The following UBE2D3 variants were observed in gnomAD, a reference collection of about 807,000 sequenced individuals.
UBE2D3 encodes the protein ubiquitin-conjugating enzyme E2 D3.
In UBE2D3, 2 loss-of-function variants were observed where a neutral mutation model predicts 22.8. The observed-to-expected ratio is 0.09, with a 90% CI of 0.04 to 0.28. The LOEUF (loss-of-function observed/expected upper bound fraction) is 0.28, where lower values mean the gene tolerates loss of function less well. UBE2D3 is among the 10% of genes least tolerant of loss of function. The pLI is 1.00. For synonymous variants in UBE2D3, 56 were observed against 60.4 expected, an observed-to-expected ratio of 0.93 and a Z score of 0.34; for missense variants, 27 against 182.5, an observed-to-expected ratio of 0.15 and a Z score of 4.91.
intron 1 of UBE2D3, among the ~76,000 whole-genome samples, chr4:102,848,921 CTGTGTG>C (rs147050383): frequency 0.26 from 37,524 of 142,580 alleles, 4,932 homozygotes; most frequent in African/African-American, 0.35. Flanking sequence ...TTATGTGTGC[CTGTGTG>C]TGTGTGTGTG....
intron 2 of UBE2D3, among the ~76,000 whole-genome samples, chr4:102,817,993 G>A (rs1321312882): frequency 6.6e-6 from 1 of 152,164 alleles, no homozygotes; most frequent in Admixed American, 6.5e-5. Context: ...CTTCCTAGCA[G>A]TCTAGAGGAA....
At chr4:102,805,910 A>G (rs1342259368) in intron 4 of UBE2D3, among the ~76,000 whole-genome samples, 1 of 152,174 alleles carries the variant, frequency 6.6e-6, no homozygotes, top group East Asian at 1.9e-4. Flanking sequence ...CTCATCATCA[A>G]CTTCTTCCTC....
At chr4:102,840,038 TA>T (rs1731656648) in intron 1 of UBE2D3, among the ~76,000 whole-genome samples, 1 of 152,218 alleles carries the variant, frequency 6.6e-6, no homozygotes, top group African/African-American at 2.4e-5. Context: ...GTAATATCAC[TA>T]ATCATCAGAA....
At chr4:102,822,048 C>T (rs765819004) in intron 2 of UBE2D3, among the ~76,000 whole-genome samples, 4 of 152,134 alleles carry the variant, frequency 2.6e-5, no homozygotes, top group Non-Finnish European at 4.4e-5. Context: ...CAAAGATTGC[C>T]TGTCTTGGAT....
chr4:102,831,456 C>T (rs552033392), upstream of UBE2D3, among the ~76,000 whole-genome samples: 146 of 152,220 alleles, frequency 9.6e-4, no homozygotes, highest in Non-Finnish European at 1.7e-3. Flanking sequence ...CATATATATA[C>T]ACAAATGTTC....
intron 1 of UBE2D3, among the ~76,000 whole-genome samples, chr4:102,832,669 T>C (rs1731176173): frequency 6.6e-6 from 1 of 150,402 alleles, no homozygotes; most frequent in East Asian, 2.0e-4. Context: ...AAAAAATATT[T>C]GGGGGCGGGG....
intron 1 of UBE2D3, among the ~76,000 whole-genome samples, chr4:102,841,197 C>T (rs1731738239): frequency 6.6e-6 from 1 of 151,858 alleles, no homozygotes; most frequent in Non-Finnish European, 1.5e-5. Context: ...TACAAATTCC[C>T]CAGGAGATAA....
chr4:102,798,655 C>A (rs1012886167), intron 7 of UBE2D3, among the ~76,000 whole-genome samples: 1 of 150,748 alleles, frequency 6.6e-6, no homozygotes. Context: ...AATTTAAACA[C>A]CATGATAGTT....
chr4:102,825,884 CTG>C (rs1239516268), intron 2 of UBE2D3: 1 of 426,596 alleles, frequency 2.3e-6, no homozygotes, highest in Non-Finnish European at 4.7e-6. Context: ...AGTGGCAACA[CTG>C]TGTCATTCCA....
intron 4 of UBE2D3, among the ~76,000 whole-genome samples, chr4:102,805,558 C>G (rs1176469142): frequency 6.8e-6 from 1 of 148,062 alleles, no homozygotes; most frequent in Non-Finnish European, 1.5e-5. Flanking sequence ...GTGATCTCGG[C>G]TCACTGCAAC....
chr4:102,850,927 T>G (rs1732309376), intron 1 of UBE2D3, among the ~76,000 whole-genome samples: 1 of 144,112 alleles, frequency 6.9e-6, no homozygotes, highest in African/African-American at 2.6e-5. Flanking sequence ...TTGGGAACTT[T>G]GTTGGGGGCG....
At chr4:102,838,951 C>T (rs777420596) in intron 1 of UBE2D3, among the ~76,000 whole-genome samples, 1 of 151,900 alleles carries the variant, frequency 6.6e-6, no homozygotes, top group Non-Finnish European at 1.5e-5. Flanking sequence ...ATGGATGAAG[C>T]TCTTTTTGTC....
chr4:102,827,281 G>A lies in UBE2D3; in HGVS notation c.-129+146C>T, dbSNP rs113381560. 4,465 of 949,238 alleles carry A rather than the reference G, an allele frequency of 4.7e-3. 38 individuals carry two copies. Among genetic ancestry groups the A allele is most frequent in the African/African-American group, 0.036 (2,037 of 56,600 alleles). 58.8% of individuals were successfully genotyped at this position (949,238 alleles called of 1,614,324 possible). On this transcript the variant is annotated intron_variant, in intron 1 of 7. Transcript: ENST00000453744. ...CCCTCCTCCTCCAGCAGGAGAGGCC[G>A]CGGCTTCCCCAACCTTCCCACCCTA...
chr4:102,863,473 C>T (rs1221500293), intron 1 of UBE2D3, among the ~76,000 whole-genome samples: 4 of 152,144 alleles, frequency 2.6e-5, no homozygotes, highest in African/African-American at 9.7e-5. Flanking sequence ...TCCCACTAGG[C>T]CCTACCAACA....
intron 5 of UBE2D3, 100 bp from the exon 6 acceptor site, chr4:102,801,659 TTAGCA>T: frequency 1.0e-6 from 1 of 988,508 alleles, no homozygotes; most frequent in Non-Finnish European, 1.5e-6. Context: ...ATGTCATCTA[TTAGCA>T]TAGAAGTTCT....
At chr4:102,809,287 G>T in intron 4 of UBE2D3, 1 of 238,214 alleles carries the variant, frequency 4.2e-6, no homozygotes. Context: ...CTAGATTATT[G>T]GCAGCTGCAG....
chr4:102,819,240 G>C lies in UBE2D3; in HGVS notation c.24+7245C>G, dbSNP rs562412367. Among the ~76,000 whole-genome samples the C allele has an allele frequency of 2.6e-5, 4 of 151,384 alleles. No homozygotes were observed. The South Asian group carries it at 8.3e-4, about 32-fold the overall frequency. On this transcript the variant is annotated intron_variant, in intron 2 of 7. Transcript: ENST00000453744. ...AGCTACTCGAGAGGCTGAGACAGGA[G>C]AATTGCTTGAACCCAGGAGACGGTG... is the stretch of plus-strand genomic sequence containing the variant.
At chr4:102,832,363 T>G (rs1277224154), upstream of UBE2D3, among the ~76,000 whole-genome samples, 1 of 151,460 alleles carries the variant, frequency 6.6e-6, no homozygotes, top group African/African-American at 2.4e-5. Context: ...CAAGATAGAT[T>G]TGAAAGACAT....
intron 4 of UBE2D3, among the ~76,000 whole-genome samples, chr4:102,804,626 T>C (rs193129293): frequency 1.6e-4 from 24 of 152,254 alleles, no homozygotes; most frequent in Middle Eastern, 3.4e-3. Flanking sequence ...ACAAGATATG[T>C]TTTTTCTGTG....
Sources: allele counts gnomAD v4.1 joint callset (sites outside exome capture counted in the v4.1 genomes callset), GRCh38; gene constraint gnomAD v4.1.1; transcripts MANE v1.5; gene names NCBI Gene and HGNC (gene_info 2026-07-23, HGNC 2026-07-21).